NCOR1: variants seen among roughly 807,000 people sequenced by gnomAD.
The protein encoded by NCOR1 is nuclear receptor corepressor 1, also known as protein phosphatase 1, regulatory subunit 109.
In NCOR1, 63 loss-of-function variants were observed where a neutral mutation model predicts 288.1. The ratio of observed to expected loss-of-function variants is 0.22; its 90% CI spans 0.18 to 0.27. The LOEUF (loss-of-function observed/expected upper bound fraction) is 0.27, where lower values mean the gene tolerates loss of function less well. Ranked by LOEUF, NCOR1 falls within the 10% of genes least tolerant of loss-of-function variation. The pLI is 1.00. For synonymous variants in NCOR1, 1,007 were observed against 1,065.9 expected (o/e 0.94, Z 1.08); for missense variants, 2,397 against 3,019.2 (o/e 0.79, Z 4.83).
chr17:16,161,746 T>C (rs981833389), intron 5 of NCOR1, among the ~76,000 whole-genome samples: 1 of 152,222 alleles, frequency 6.6e-6, no homozygotes, highest in African/African-American at 2.4e-5. Context: ...CTATGGCATA[T>C]TTCTTTGTTT....
Position 16,034,924 on chromosome 17 carries a change from G to T in NCOR1, c.6976C>A (p.Leu2326Met). 1.2e-6 allele frequency: 2 copies of T among 1,613,904 alleles called. No homozygotes were observed. The highest frequency in any genetic ancestry group is 1.7e-6 in the Non-Finnish European group (2 of 1,179,958). ...TTCCTGCTGTTTGACTTGCTGATCA[G>T]CTTTGGTTTGCAAACTCCTCCTGAA... ...PHSGGVCKPK[L>M]ISKSNSRKSK... is the part of the protein sequence containing the mutation. The change falls in exon 45 of 46, where the codon CTG (leucine) becomes ATG (methionine). Residue 2326 changes from leucine (L) to methionine (M), a missense_variant. Leu to Met is a conservative substitution (Grantham distance 15). This residue lies in a region of NCOR1 where 1,872 missense variants were observed against 2,187.8 expected (regional missense o/e 0.86). Transcript: ENST00000268712.
Position 16,187,959 on chromosome 17 carries a change from T to C in NCOR1, c.109-1272A>G, listed in dbSNP as rs1173625439. ...GCAACAAATCCATAGAAACAGAAAATGAATTGGTGGTTGTCAAAAGATGGG... is the reference window on the plus strand; with the variant it reads ...GCAACAAATCCATAGAAACAGAAAACGAATTGGTGGTTGTCAAAAGATGGG... On this transcript the variant is annotated intron_variant, in intron 2 of 45. Coordinates refer to ENST00000268712, the MANE Select transcript of NCOR1 (RefSeq NM_006311.4). 2.1e-5 allele frequency among the ~76,000 whole-genome samples: 3 copies of C among 141,370 alleles called. No individual in the cohort carries two copies. In the South Asian group the frequency reaches 7.0e-4, roughly 33 times the overall value. The allele number at this position is 141,370 out of a possible 152,430, so 92.7% of individuals were successfully genotyped here. A position where few individuals can be genotyped will look rare whatever the true frequency, so the allele number is the denominator to read the frequency against.
chr17:16,052,132 C>T (rs2059393704), intron 40 of NCOR1, among the ~76,000 whole-genome samples: 1 of 151,770 alleles, frequency 6.6e-6, no homozygotes, highest in Admixed American at 6.6e-5. Context: ...CCTCAGCCTC[C>T]CGAGTAACTG....
intron 3 of NCOR1, among the ~76,000 whole-genome samples, chr17:16,181,723 TG>T (rs1305075045): frequency 1.3e-5 from 2 of 152,132 alleles, no homozygotes; most frequent in African/African-American, 2.4e-5. Flanking sequence ...AATATGTAAA[TG>T]TAAAAATCAT....
chr17:16,043,465 A>G (rs2152100421), intron 42 of NCOR1, among the ~76,000 whole-genome samples: 1 of 152,372 alleles, frequency 6.6e-6, no homozygotes, highest in Non-Finnish European at 1.5e-5. Flanking sequence ...GACATTAATT[A>G]TCTCCTGTTA....
intron 1 of NCOR1, among the ~76,000 whole-genome samples, chr17:16,198,940 C>T (rs1452617215): frequency 2.0e-5 from 3 of 151,828 alleles, no homozygotes; most frequent in Admixed American, 1.3e-4. Flanking sequence ...TTTTTTCTAA[C>T]AGTGGCCTAA....
intron 30 of NCOR1, among the ~76,000 whole-genome samples, chr17:16,071,109 T>G (rs2061702393): frequency 6.6e-6 from 1 of 152,104 alleles, no homozygotes; most frequent in Non-Finnish European, 1.5e-5. Context: ...GGCAAAGCCC[T>G]GTCTCTATAA....
At position 16,029,330 on chromosome 17, in the gene NCOR1, T is replaced by G. The variant is rs987509810; in HGVS notation, c.*2966A>C. ...TAAGGTACTGAAGCAAAAGGAGGAC[T>G]GATCTCCTTTACTGATTGGTCTAAA... On this transcript the variant is annotated 3_prime_UTR_variant, in exon 46 of 46. Coordinates refer to ENST00000268712, the MANE Select transcript of NCOR1 (RefSeq NM_006311.4). The G allele has an allele frequency of 2.3e-5, 10 of 436,708 alleles. No homozygotes were observed. Among genetic ancestry groups the G allele is most frequent in the African/African-American group, 1.8e-4 (9 of 48,994 alleles). The allele number at this position is 436,708 out of a possible 1,614,324, so 27.1% of individuals were successfully genotyped here.
chr17:16,069,901 T>C (rs570281273), intron 31 of NCOR1, among the ~76,000 whole-genome samples: 1 of 152,340 alleles, frequency 6.6e-6, no homozygotes, highest in Non-Finnish European at 1.5e-5. Flanking sequence ...TGCAATTGGC[T>C]GAAAATCCAC....
At position 16,039,555 on chromosome 17, in the gene NCOR1, T is replaced by G. The variant is rs200702771; in HGVS notation, c.6833A>C (p.Lys2278Thr). The G allele has an allele frequency of 9.3e-6, 15 of 1,614,118 alleles. No homozygotes were observed. Among genetic ancestry groups the G allele is most frequent in the Middle Eastern group, 1.6e-4 (1 of 6,062 alleles). ...CATGACAACTCCATGATCCTCAACTTTGTCATCAAAGCTTCCCATGAGAGC... is the reference window on the plus strand; with the variant it reads ...CATGACAACTCCATGATCCTCAACTGTGTCATCAAAGCTTCCCATGAGAGC... Reference protein sequence around the residue: ...RKALMGSFDDKVEDHGVVMSQ... With the variant: ...RKALMGSFDDTVEDHGVVMSQ... The change falls in exon 44 of 46, where the codon AAA (lysine) becomes ACA (threonine). Residue 2278 changes from lysine to threonine, a missense_variant. Physicochemically the swap from Lys to Thr is moderately conservative, Grantham distance 78. This residue lies in a region of NCOR1 where 1,872 missense variants were observed against 2,187.8 expected (regional missense o/e 0.86). Transcript: ENST00000268712.
At chr17:16,180,825 T>C (rs2085251225) in intron 3 of NCOR1, among the ~76,000 whole-genome samples, 2 of 151,790 alleles carry the variant, frequency 1.3e-5, no homozygotes, top group Non-Finnish European at 2.9e-5. Flanking sequence ...AGTTCATATA[T>C]AGAAACAACC....
chr17:16,176,592 T>C (rs773180115), intron 3 of NCOR1, among the ~76,000 whole-genome samples: 2 of 152,124 alleles, frequency 1.3e-5, no homozygotes, highest in Non-Finnish European at 2.9e-5. Flanking sequence ...GATGCTATAA[T>C]TGCTCAGTGC....
chr17:16,100,412 G>C (rs1649673342), intron 20 of NCOR1, among the ~76,000 whole-genome samples: 1 of 152,162 alleles, frequency 6.6e-6, no homozygotes, highest in African/African-American at 2.4e-5. Flanking sequence ...AGGCTGAGAT[G>C]GGTGGATCAC....
chr17:16,117,514 GA>G (rs34706253), intron 18 of NCOR1, among the ~76,000 whole-genome samples: 43,863 of 103,710 alleles, frequency 0.42, 8,222 homozygotes, highest in Middle Eastern at 0.57. Context: ...CTGGAGCTCA[GA>G]AAAAAAAAAA....
chr17:16,161,460 A>C (rs1186868591), intron 5 of NCOR1, among the ~76,000 whole-genome samples: 1 of 151,946 alleles, frequency 6.6e-6, no homozygotes, highest in Non-Finnish European at 1.5e-5. Context: ...ACACTCAGCT[A>C]ATTTTTTGTA....
intron 14 of NCOR1, among the ~76,000 whole-genome samples, chr17:16,130,988 ATT>A (rs773227977): frequency 2.1e-4 from 25 of 121,742 alleles, no homozygotes; most frequent in Non-Finnish European, 2.3e-4. Flanking sequence ...CGCACCTGGA[ATT>A]TTTTTTTTTT....
chr17:16,143,578 T>A (rs375446764), intron 11 of NCOR1, 28 bp downstream of exon 11: 2 of 1,555,186 alleles, frequency 1.3e-6, no homozygotes, highest in Non-Finnish European at 1.8e-6. Flanking sequence ...AATTAACGAA[T>A]TAACTTGAAT....
At chr17:16,065,865 C>T in intron 32 of NCOR1, 171 bp from the exon 33 acceptor site, 1 of 614,618 alleles carries the variant, frequency 1.6e-6, no homozygotes, top group South Asian at 2.0e-5. Flanking sequence ...GATGTATTAG[C>T]AATAGCAATT....
intron 1 of NCOR1, among the ~76,000 whole-genome samples, chr17:16,196,299 T>C: frequency 6.6e-6 from 1 of 151,974 alleles, no homozygotes; most frequent in African/African-American, 2.4e-5. Context: ...TTCCCAGTTT[T>C]TATCAATATA....
Sources: allele counts gnomAD v4.1 joint callset (sites outside exome capture counted in the v4.1 genomes callset), GRCh38; gene constraint gnomAD v4.1.1; regional missense constraint gnomAD v4.1.1; transcripts MANE v1.5; gene names NCBI Gene and HGNC (gene_info 2026-07-23, HGNC 2026-07-21).